TNNI3K: variants seen among roughly 807,000 people sequenced by gnomAD.
TNNI3K encodes serine/threonine-protein kinase TNNI3K.
TNNI3K carries 140 observed loss-of-function variants against 114.5 expected under a neutral mutation model. The ratio of observed to expected loss-of-function variants is 1.22; its 90% CI spans 1.07 to 1.41. The LOEUF (loss-of-function observed/expected upper bound fraction) is 1.41. Ranked by LOEUF, TNNI3K falls within the 40% of genes most tolerant of loss-of-function variation. TNNI3K has a pLI of 0.00. For synonymous variants in TNNI3K, 347 were observed against 347.5 expected (o/e 1.00, Z 0.02); for missense variants, 1,125 against 1,007.6 (o/e 1.12, Z -1.58).
intron 5 of TNNI3K, among the ~76,000 whole-genome samples, chr1:74,309,225 G>T (rs547700791): frequency 6.7e-6 from 1 of 149,454 alleles, no homozygotes; most frequent in East Asian, 2.0e-4. Context: ...AAAATTAGCC[G>T]GGCGAGGTGG....
At chr1:74,481,050 A>G in intron 21 of TNNI3K, 1 of 622,798 alleles carries the variant, frequency 1.6e-6, no homozygotes, top group South Asian at 1.9e-5. Context: ...GAGAATCAAT[A>G]TCCTCTGAGC....
chr1:74,444,291 C>T (rs1246912744), intron 20 of TNNI3K, among the ~76,000 whole-genome samples: 1 of 152,032 alleles, frequency 6.6e-6, no homozygotes, highest in African/African-American at 2.4e-5. Flanking sequence ...CCTATTGTCT[C>T]AGTCCTTAAA....
At chr1:74,320,710 G>C (rs1659560721) in intron 5 of TNNI3K, among the ~76,000 whole-genome samples, 1 of 152,088 alleles carries the variant, frequency 6.6e-6, no homozygotes, top group South Asian at 2.1e-4. Context: ...TACTTAGTCT[G>C]TGTAAGACGC....
At chr1:74,277,088 G>A (rs1287163306) in intron 5 of TNNI3K, among the ~76,000 whole-genome samples, 2 of 152,132 alleles carry the variant, frequency 1.3e-5, no homozygotes, top group East Asian at 1.9e-4. Flanking sequence ...TTTGGGGAAT[G>A]TGAGTCATAC....
At chr1:74,453,590 A>G (rs911562678) in intron 20 of TNNI3K, among the ~76,000 whole-genome samples, 2 of 152,188 alleles carry the variant, frequency 1.3e-5, no homozygotes, top group African/African-American at 4.8e-5. Context: ...GAACACCAAT[A>G]TTAGCATTGA....
chr1:74,376,551 A>C (rs1184239975), intron 17 of TNNI3K: 2 of 152,062 alleles, frequency 1.3e-5, no homozygotes, highest in Admixed American at 6.6e-5. Flanking sequence ...AATCCTTGAC[A>C]ACCCTGTATC....
At chr1:74,238,264 C>A (rs1653980688) in intron 2 of TNNI3K, among the ~76,000 whole-genome samples, 1 of 151,960 alleles carries the variant, frequency 6.6e-6, no homozygotes, top group African/African-American at 2.4e-5. Context: ...ACAGCTTCTT[C>A]TATTTATAAG....
chr1:74,321,676 A>G (rs1169951212), intron 5 of TNNI3K, among the ~76,000 whole-genome samples: 1 of 151,804 alleles, frequency 6.6e-6, no homozygotes, highest in Non-Finnish European at 1.5e-5. Flanking sequence ...CTTCCTTTTA[A>G]TTTCTTTTAT....
At chr1:74,453,502 A>T (rs1225567412) in intron 20 of TNNI3K, among the ~76,000 whole-genome samples, 1 of 152,212 alleles carries the variant, frequency 6.6e-6, no homozygotes, top group Admixed American at 6.5e-5. Flanking sequence ...ATTATCAATT[A>T]TGGTAGTAGC....
intron 6 of TNNI3K, among the ~76,000 whole-genome samples, chr1:74,333,745 T>C (rs1241091582): frequency 6.6e-6 from 1 of 152,262 alleles, no homozygotes; most frequent in Non-Finnish European, 1.5e-5. Flanking sequence ...TATTTACTTA[T>C]TTTTAAGTGG....
chr1:74,519,972 T>A (rs2100409125), intron 23 of TNNI3K, among the ~76,000 whole-genome samples: 1 of 152,320 alleles, frequency 6.6e-6, no homozygotes, highest in Non-Finnish European at 1.5e-5. Flanking sequence ...CCATTTTCTC[T>A]GTGGGATCTT....
intron 5 of TNNI3K, among the ~76,000 whole-genome samples, chr1:74,276,616 C>T (rs1656702132): frequency 1.3e-5 from 2 of 152,016 alleles, no homozygotes; most frequent in African/African-American, 4.8e-5. Context: ...GCAGAAATAG[C>T]AACGGATCAG....
At chr1:74,254,328 A>G (rs534807407) in intron 4 of TNNI3K, among the ~76,000 whole-genome samples, 72 of 152,322 alleles carry the variant, frequency 4.7e-4, no homozygotes, top group African/African-American at 1.7e-3. Context: ...ATGATAATCT[A>G]TAGTTCAAAT....
At chr1:74,366,144 C>T (rs978215741) in intron 11 of TNNI3K, among the ~76,000 whole-genome samples, 1 of 151,884 alleles carries the variant, frequency 6.6e-6, no homozygotes, top group Non-Finnish European at 1.5e-5. Flanking sequence ...ATGCTTAACC[C>T]ATGTTAACTA....
chr1:74,417,219 A>G (rs1016575822), intron 17 of TNNI3K, among the ~76,000 whole-genome samples: 1 of 152,074 alleles, frequency 6.6e-6, no homozygotes, highest in African/African-American at 2.4e-5. Flanking sequence ...TGTAGCAACT[A>G]TGAAAATGTA....
chr1:74,297,753 TA>T (rs2100310334), intron 5 of TNNI3K, among the ~76,000 whole-genome samples: 1 of 152,238 alleles, frequency 6.6e-6, no homozygotes, highest in African/African-American at 2.4e-5. Flanking sequence ...CTCTGGTCTA[TA>T]ATTTTTTGTA....
At chr1:74,436,893 T>G (rs142193957) in intron 19 of TNNI3K, among the ~76,000 whole-genome samples, 1 of 152,222 alleles carries the variant, frequency 6.6e-6, no homozygotes, top group Non-Finnish European at 1.5e-5. Context: ...TCAGCATCTA[T>G]TAACTATTCA....
intron 23 of TNNI3K, among the ~76,000 whole-genome samples, chr1:74,498,304 G>A (rs1669438541): frequency 6.6e-6 from 1 of 152,038 alleles, no homozygotes; most frequent in South Asian, 2.1e-4. Flanking sequence ...ATCTCAATCA[G>A]CGTAATCACT....
chr1:74,522,011 A>G (rs1244909163), intron 23 of TNNI3K, among the ~76,000 whole-genome samples: 2 of 152,146 alleles, frequency 1.3e-5, no homozygotes, highest in African/African-American at 4.8e-5. Flanking sequence ...CAGATGAGGG[A>G]GATATATCAA....
Sources: allele counts gnomAD v4.1 joint callset (sites outside exome capture counted in the v4.1 genomes callset), GRCh38; gene constraint gnomAD v4.1.1; transcripts MANE v1.5; gene names NCBI Gene and HGNC (gene_info 2026-07-23, HGNC 2026-07-21).